E2F7: variants seen among roughly 807,000 people sequenced by gnomAD.
E2F7 encodes transcription factor E2F7.
In E2F7, 35 loss-of-function variants were observed where a neutral mutation model predicts 81.1. That is an observed-to-expected ratio of 0.43 (90% CI 0.33 to 0.57). The LOEUF (loss-of-function observed/expected upper bound fraction) is 0.57, where lower values mean the gene tolerates loss of function less well. Among genes scored for constraint, E2F7 ranks in the 20% least tolerant of loss-of-function variants. E2F7 has a pLI of 0.04. For synonymous variants in E2F7, 416 were observed against 416.2 expected, an observed-to-expected ratio of 1.00 and a Z score of 0.01; for missense variants, 961 against 1,093.7, an observed-to-expected ratio of 0.88 and a Z score of 1.71.
At position 77,024,212 on chromosome 12, in the gene E2F7, A is replaced by T. The variant is rs774716379; in HGVS notation, c.2566-27T>A. 3.0e-5 allele frequency: 48 copies of T among 1,605,224 alleles called. No individual in the cohort carries two copies. The African/African-American group carries it at 5.6e-4, about 19-fold the overall frequency. ...TGAAAAAAGAAAAAAGAAAAAACAG[A>T]AGTGAAGTCATATTGTTTCTGATCT... On this transcript the variant is annotated intron_variant, in intron 12 of 12. Coordinates refer to ENST00000322886, the MANE Select transcript of E2F7 (RefSeq NM_203394.3).
At chr12:77,044,418 A>G in intron 6 of E2F7, 1 of 595,110 alleles carries the variant, frequency 1.7e-6, no homozygotes, top group Non-Finnish European at 3.0e-6. Context: ...TTTTCACTCT[A>G]CTGAAACCAC....
At chr12:77,024,288 A>G in intron 12 of E2F7, 103 bp from the exon 13 acceptor site, 1 of 1,282,224 alleles carries the variant, frequency 7.8e-7, no homozygotes, top group Non-Finnish European at 1.0e-6. Context: ...ATCCCAAGGC[A>G]GGCGTTCCTT....
intron 10 of E2F7, among the ~76,000 whole-genome samples, chr12:77,029,010 G>A (rs931212431): frequency 6.6e-6 from 1 of 152,208 alleles, no homozygotes; most frequent in African/African-American, 2.4e-5. Flanking sequence ...ATATTTCTGA[G>A]CTAGTAACAC....
chr12:77,055,142 C>A (rs1019404583), intron 3 of E2F7, among the ~76,000 whole-genome samples: 2 of 152,212 alleles, frequency 1.3e-5, no homozygotes, highest in Non-Finnish European at 2.9e-5. Flanking sequence ...TCTACCACTG[C>A]AAGATATATA....
intron 9 of E2F7, among the ~76,000 whole-genome samples, chr12:77,032,809 G>A (rs140162488): frequency 2.2e-4 from 33 of 152,218 alleles, no homozygotes; most frequent in Non-Finnish European, 3.1e-4. Context: ...TCTCTTTTCC[G>A]TGTTGGTCTT....
chr12:77,028,172 A>G (rs1954774950), intron 10 of E2F7, 34 bp from the exon 11 acceptor site: 1 of 1,583,608 alleles, frequency 6.3e-7, no homozygotes, highest in South Asian at 1.2e-5. Flanking sequence ...CAAGAAAGTA[A>G]GTTAAAATTC....
At chr12:77,053,000 C>T (rs987718207) in intron 3 of E2F7, among the ~76,000 whole-genome samples, 1 of 152,120 alleles carries the variant, frequency 6.6e-6, no homozygotes, top group African/African-American at 2.4e-5. Context: ...GCAGAAATTA[C>T]TAAATTTGAC....
In E2F7 at chr12:77,022,385, T is replaced by C. The variant is rs1954719991; in HGVS notation, c.*1630A>G. On this transcript the variant is annotated 3_prime_UTR_variant, in exon 13 of 13. Transcript: ENST00000322886. Reference sequence around the variant, plus strand: ...AGTTTAGTGTTGATAAAAATTTTTATATAAGTAGCAAATTTATTTAATGTA... The same window carrying C: ...AGTTTAGTGTTGATAAAAATTTTTACATAAGTAGCAAATTTATTTAATGTA... The C allele has an allele frequency of 1.3e-5, 2 of 152,614 alleles. No individual in the cohort carries two copies. The highest frequency in any genetic ancestry group is 1.9e-4 in the East Asian group (1 of 5,186). The allele number at this position is 152,614 out of a possible 1,614,324, so 9.5% of individuals were successfully genotyped here. A position where few individuals can be genotyped will look rare whatever the true frequency, so the allele number is the denominator to read the frequency against.
At chr12:77,039,374 A>G (rs1453103245) in intron 7 of E2F7, among the ~76,000 whole-genome samples, 1 of 152,258 alleles carries the variant, frequency 6.6e-6, no homozygotes, top group Non-Finnish European at 1.5e-5. Flanking sequence ...AAATGAAAAG[A>G]CAAAGCCACA....
At chr12:77,059,348 G>C (rs1433952811) in intron 2 of E2F7, among the ~76,000 whole-genome samples, 6 of 152,160 alleles carry the variant, frequency 3.9e-5, no homozygotes, top group Admixed American at 3.3e-4. Context: ...TACGGCTGTG[G>C]AAAGGGCACT....
At chr12:77,064,089 G>A (rs1265793092) in intron 2 of E2F7, among the ~76,000 whole-genome samples, 3 of 152,162 alleles carry the variant, frequency 2.0e-5, no homozygotes, top group Non-Finnish European at 2.9e-5. Flanking sequence ...TATATAGTAG[G>A]CACAGGTCTA....
intron 11 of E2F7, among the ~76,000 whole-genome samples, chr12:77,026,262 G>C (rs1374821798): frequency 6.6e-6 from 1 of 152,150 alleles, no homozygotes; most frequent in Admixed American, 6.5e-5. Flanking sequence ...AAAAAGCTTA[G>C]ATGGGAAAGA....
chr12:77,032,476 C>T (rs1362507616), intron 9 of E2F7, among the ~76,000 whole-genome samples: 1 of 152,192 alleles, frequency 6.6e-6, no homozygotes, highest in Admixed American at 6.5e-5. Flanking sequence ...TCTGCTTTCT[C>T]TGGTGACACA....
intron 3 of E2F7, among the ~76,000 whole-genome samples, chr12:77,053,359 T>G (rs372781466): frequency 1.3e-4 from 20 of 152,360 alleles, no homozygotes; most frequent in African/African-American, 4.8e-4. Context: ...GTTTCTGGAT[T>G]AATAGAAGAG....
At chr12:77,059,406 C>T (rs574120708) in intron 2 of E2F7, among the ~76,000 whole-genome samples, 2 of 152,112 alleles carry the variant, frequency 1.3e-5, no homozygotes, top group Non-Finnish European at 2.9e-5. Flanking sequence ...CTTTTTGATC[C>T]TGGATAACTG....
intron 2 of E2F7, among the ~76,000 whole-genome samples, chr12:77,060,981 T>C (rs1296904445): frequency 6.6e-6 from 1 of 152,228 alleles, no homozygotes; most frequent in Non-Finnish European, 1.5e-5. Context: ...CTTTGTTCTA[T>C]AGAACTCTCA....
At chr12:77,051,769 GC>G (rs1467653917) in intron 3 of E2F7, among the ~76,000 whole-genome samples, 1 of 152,144 alleles carries the variant, frequency 6.6e-6, no homozygotes, top group Non-Finnish European at 1.5e-5. Flanking sequence ...CAATATGGAT[GC>G]CCATTATCAC....
rs568071161 is a variant in E2F7, at chr12:77,025,295, G to A, written c.2565+263C>T. Among the ~76,000 whole-genome samples the A allele has an allele frequency of 4.6e-5, 7 of 152,100 alleles. No homozygotes were observed. The East Asian group carries it at 9.7e-4, about 21-fold the overall frequency. ...TTTAGCATTCCTCAAAAATCCCCCC[G>A]AACTATGCCTAAAACAGGTCCCTCT... On this transcript the variant is annotated intron_variant, in intron 12 of 12. Transcript: ENST00000322886.
At position 77,022,770 on chromosome 12, in the gene E2F7, C is replaced by T. The variant is rs1429616586; in HGVS notation, c.*1245G>A. 6.6e-6 allele frequency: 1 copy of T among 152,174 alleles called. No homozygotes were observed. Among genetic ancestry groups the T allele is most frequent in the East Asian group, 1.9e-4 (1 of 5,194 alleles). 9.4% of individuals were successfully genotyped at this position (152,174 alleles called of 1,614,324 possible). On this transcript the variant is annotated 3_prime_UTR_variant, in exon 13 of 13. Transcript: ENST00000322886. ...ACAAAGAACTAGTATAGTTTGGCGA[C>T]TTAATGCACCCCTAAAGTAATGTGG...
Sources: gnomAD v4.1 joint callset for allele counts (sites outside exome capture counted in the v4.1 genomes callset) on GRCh38, gnomAD v4.1.1 for gene constraint, MANE v1.5 for transcripts, NCBI Gene and HGNC (gene_info 2026-07-23, HGNC 2026-07-21) for gene names.